The following AHR variants were observed in gnomAD, a reference collection of about 807,000 sequenced individuals.
AHR encodes AH-receptor.
Under a neutral mutation model 86.8 loss-of-function variants are expected in AHR, and 40 were observed. The ratio of observed to expected loss-of-function variants is 0.46; its 90% CI spans 0.36 to 0.60. The LOEUF (loss-of-function observed/expected upper bound fraction) is 0.60, where lower values mean the gene tolerates loss of function less well. AHR is among the 20% of genes least tolerant of loss of function. The pLI is 0.00. For synonymous variants in AHR, 398 were observed against 354.9 expected (o/e 1.12, Z -1.37); for missense variants, 1,001 against 1,011.6 (o/e 0.99, Z 0.14).
At chr7:17,310,144 T>C (rs769685445) in intron 2 of AHR, 21 bp downstream of exon 2, 1 of 1,596,728 alleles carries the variant, frequency 6.3e-7, no homozygotes, top group South Asian at 1.1e-5. Context: ...AGGGTTTAAT[T>C]TGTCTACAAT....
intron 4 of AHR, among the ~76,000 whole-genome samples, chr7:17,329,373 T>C (rs1260443332): frequency 6.7e-6 from 1 of 150,308 alleles, no homozygotes; most frequent in Non-Finnish European, 1.5e-5. Flanking sequence ...AACTTGCAGT[T>C]AAAAAAAAAG....
intron 4 of AHR, among the ~76,000 whole-genome samples, chr7:17,328,178 C>T (rs1782248950): frequency 6.6e-6 from 1 of 151,848 alleles, no homozygotes; most frequent in Admixed American, 6.6e-5. Context: ...TATATGACAA[C>T]TATGAAATGA....
intron 3 of AHR, among the ~76,000 whole-genome samples, chr7:17,324,510 T>A (rs1363064371): frequency 6.6e-6 from 1 of 152,194 alleles, no homozygotes. Flanking sequence ...GTTACAAAAA[T>A]TTTTATTAAA....
At chr7:17,323,934 A>G (rs528653806) in intron 3 of AHR, among the ~76,000 whole-genome samples, 2 of 152,322 alleles carry the variant, frequency 1.3e-5, no homozygotes, top group African/African-American at 4.8e-5. Flanking sequence ...CTAAGGGCCT[A>G]ATGAAATCCC....
chr7:17,301,061 A>C (rs1042460554), intron 1 of AHR, among the ~76,000 whole-genome samples: 2 of 152,060 alleles, frequency 1.3e-5, no homozygotes, highest in Non-Finnish European at 2.9e-5. Flanking sequence ...CTTAGTTTTT[A>C]ATATACTTGT....
intron 1 of AHR, among the ~76,000 whole-genome samples, chr7:17,301,671 AC>A (rs959525316): frequency 6.6e-6 from 1 of 150,606 alleles, no homozygotes; most frequent in African/African-American, 2.4e-5. Flanking sequence ...AGAAAAATCA[AC>A]CCCCCCTAGT....
rs1011414882 is a variant in AHR, at chr7:17,298,965, C to T, written c.-300C>T. ...GCCGCCTCACCTGCGGGCATTGCCG[C>T]GCCGCCTCCGCCGGTGTAGACGGCA... is the stretch of plus-strand genomic sequence containing the variant. On this transcript the variant is annotated 5_prime_UTR_variant, in exon 1 of 11. Transcript: ENST00000242057. 9.0e-6 allele frequency: 4 copies of T among 442,008 alleles called. No individual in the cohort carries two copies. The highest frequency in any genetic ancestry group is 2.1e-5 in the African/African-American group (1 of 48,728). 27.4% of individuals were successfully genotyped at this position (442,008 alleles called of 1,614,324 possible).
chr7:17,299,134 A>G lies in AHR; in HGVS notation c.-131A>G. ...GCGGCGCCCACGCCACTGTCCCGAGAGGACGCAGGTGGAGCGGGCGCGGCT... is the reference window on the plus strand; with the variant it reads ...GCGGCGCCCACGCCACTGTCCCGAGGGGACGCAGGTGGAGCGGGCGCGGCT... On this transcript the variant is annotated 5_prime_UTR_variant, in exon 1 of 11. Transcript: ENST00000242057. The G allele has an allele frequency of 2.0e-6, 2 of 981,370 alleles. No homozygotes were observed. The highest frequency in any genetic ancestry group is 2.9e-6 in the Non-Finnish European group (2 of 699,282). The allele number at this position is 981,370 out of a possible 1,614,324, so 60.8% of individuals were successfully genotyped here.
chr7:17,316,862 G>T (rs1782120158), intron 2 of AHR, among the ~76,000 whole-genome samples: 1 of 152,066 alleles, frequency 6.6e-6, no homozygotes. Context: ...ACTGACAGCA[G>T]GAGCTGTGGA....
chr7:17,308,657 T>C (rs549437660), intron 1 of AHR, among the ~76,000 whole-genome samples: 1 of 151,534 alleles, frequency 6.6e-6, no homozygotes, highest in Non-Finnish European at 1.5e-5. Flanking sequence ...ATATACACAG[T>C]TGTACAGACA....
intron 1 of AHR, 143 bp downstream of exon 1, chr7:17,299,472 AGGC>A: frequency 1.1e-6 from 1 of 929,934 alleles, no homozygotes; most frequent in East Asian, 2.9e-5. Context: ...CGAGGTTTGG[AGGC>A]CGGCTGGGAG....
At chr7:17,302,561 G>C (rs1170020436) in intron 1 of AHR, among the ~76,000 whole-genome samples, 2 of 151,822 alleles carry the variant, frequency 1.3e-5, no homozygotes, top group Non-Finnish European at 2.9e-5. Flanking sequence ...GCTTTAGATA[G>C]CATATACATA....
chr7:17,299,161 C>T lies in AHR; in HGVS notation c.-104C>T. 2 of 1,316,718 alleles carry T rather than the reference C, an allele frequency of 1.5e-6. No homozygotes were observed. The highest frequency in any genetic ancestry group is 2.0e-6 in the Non-Finnish European group (2 of 992,114). The allele number at this position is 1,316,718 out of a possible 1,614,324, so 81.6% of individuals were successfully genotyped here. A position where few individuals can be genotyped will look rare whatever the true frequency, so the allele number is the denominator to read the frequency against. On this transcript the variant is annotated 5_prime_UTR_variant, in exon 1 of 11. Coordinates refer to ENST00000242057, the MANE Select transcript of AHR (RefSeq NM_001621.5). ...GACGCAGGTGGAGCGGGCGCGGCTT[C>T]GCGGAACCCGGCGCCGGCCGCCGCA...
chr7:17,333,844 C>T (rs529146485), intron 6 of AHR, 68 bp from the exon 7 acceptor site: 22 of 1,328,274 alleles, frequency 1.7e-5, no homozygotes, highest in Middle Eastern at 1.9e-4. Context: ...ATAATGGAGC[C>T]TTTTAAAAAG....
chr7:17,317,569 A>C (rs1782129000), intron 2 of AHR, among the ~76,000 whole-genome samples: 1 of 152,140 alleles, frequency 6.6e-6, no homozygotes, highest in South Asian at 2.1e-4. Context: ...TCCAGAACAT[A>C]CGTGAGTTAT....
At position 17,318,836 on chromosome 7, in the gene AHR, GTA is replaced by G. The variant is rs567195356; in HGVS notation, c.254-3663_254-3662del. Among the ~76,000 whole-genome samples, 328 of 152,216 alleles carry G rather than the reference GTA, an allele frequency of 2.2e-3. 2 individuals carry two copies. Among genetic ancestry groups the G allele is most frequent in the African/African-American group, 6.9e-3 (287 of 41,528 alleles). ...GTCTTTTGTATATGTATTATATACTGTATTCTTAAAGTAGGCCAGAGAAAAGA... is the reference window on the plus strand; with the variant it reads ...GTCTTTTGTATATGTATTATATACTGTTCTTAAAGTAGGCCAGAGAAAAGA... On this transcript the variant is annotated intron_variant, in intron 2 of 10. Coordinates refer to ENST00000242057, the MANE Select transcript of AHR (RefSeq NM_001621.5).
Position 17,339,286 on chromosome 7 carries a change from C to G in AHR, c.1461C>G (p.Asn487Lys), listed in dbSNP as rs371015222. 6.2e-7 allele frequency: 1 copy of G among 1,614,142 alleles called. No homozygotes were observed. Among genetic ancestry groups the G allele is most frequent in the South Asian group, 1.1e-5 (1 of 91,084 alleles). ...STAPFENNFF[N>K]ESMNECRNWQ... ...CACCTTTTGAAAACAACTTTTTCAA[C>G]GAATCTATGAATGAATGCAGAAATT... is the stretch of plus-strand genomic sequence containing the variant. Residue 487 changes from asparagine to lysine, a missense_variant, in exon 10 of 11, where the codon AAC (asparagine) becomes AAG (lysine). Around this residue, in one of 2 missense-constraint regions of AHR, gnomAD observed 607 missense variants for 543.1 expected, o/e 1.12. Transcript: ENST00000242057.
intron 8 of AHR, 65 bp downstream of exon 8, chr7:17,335,061 A>C (rs2115367065): frequency 1.7e-6 from 2 of 1,174,312 alleles, no homozygotes; most frequent in South Asian, 2.6e-5. Context: ...CATGTTTCAA[A>C]TTCTTACGTA....
chr7:17,335,841 A>C (rs1022392279), intron 9 of AHR, 55 bp downstream of exon 9: 1 of 1,522,284 alleles, frequency 6.6e-7, no homozygotes, highest in African/African-American at 1.4e-5. Context: ...AAGTCCTCTT[A>C]TGTGAAAGCA....
Sources: gnomAD v4.1 joint callset for allele counts (sites outside exome capture counted in the v4.1 genomes callset) on GRCh38, gnomAD v4.1.1 for gene constraint, gnomAD v4.1.1 regional missense constraint, MANE v1.5 for transcripts, NCBI Gene and HGNC (gene_info 2026-07-23, HGNC 2026-07-21) for gene names.